Variants in NRG3 observed in about 807,000 individuals in gnomAD.
NRG3 encodes neuregulin 3.
A neutral mutation model predicts 66.9 loss-of-function variants in NRG3; 31 were observed. The ratio of observed to expected loss-of-function variants is 0.46; its 90% CI spans 0.35 to 0.63. The LOEUF is 0.63. NRG3 is among the 20% of genes least tolerant of loss of function. The pLI, the probability that NRG3 is intolerant of heterozygous loss-of-function variation, is 0.00. For synonymous variants in NRG3, 393 were observed against 359.4 expected, an observed-to-expected ratio of 1.09 and a Z score of -1.06; for missense variants, 910 against 878.9, an observed-to-expected ratio of 1.04 and a Z score of -0.45.
At chr10:82,385,375 A>G (rs2135902091) in intron 2 of NRG3, among the ~76,000 whole-genome samples, 1 of 152,228 alleles carries the variant, frequency 6.6e-6, no homozygotes, top group East Asian at 1.9e-4. Context: ...TTCTTCTCAG[A>G]CAATCAAGAA....
intron 1 of NRG3, among the ~76,000 whole-genome samples, chr10:82,299,643 G>A (rs1202052919): frequency 6.6e-6 from 1 of 151,714 alleles, no homozygotes; most frequent in East Asian, 1.9e-4. Flanking sequence ...TGTATTGCCA[G>A]TGGCTGCTAT....
chr10:82,464,184 G>A (rs1840453881), intron 2 of NRG3, among the ~76,000 whole-genome samples: 1 of 152,076 alleles, frequency 6.6e-6, no homozygotes, highest in African/African-American at 2.4e-5. Flanking sequence ...TCAGACTGTA[G>A]ACATGTAGAT....
intron 1 of NRG3, among the ~76,000 whole-genome samples, chr10:82,168,205 T>A (rs984044706): frequency 6.6e-6 from 1 of 152,134 alleles, no homozygotes; most frequent in Admixed American, 6.6e-5. Flanking sequence ...TCATGTAGGA[T>A]CGTTCCCCTA....
At chr10:82,379,698 T>A (rs1335535747) in intron 2 of NRG3, among the ~76,000 whole-genome samples, 1 of 152,078 alleles carries the variant, frequency 6.6e-6, no homozygotes, top group Non-Finnish European at 1.5e-5. Flanking sequence ...AAGTTCTAAT[T>A]GGACATTAGT....
chr10:82,423,345 C>A lies in NRG3; in HGVS notation c.953+64477C>A, dbSNP rs544712533. On this transcript the variant is annotated intron_variant, in intron 2 of 8. Coordinates refer to ENST00000372141, the MANE Select transcript of NRG3 (RefSeq NM_001010848.4). ...ATATTATCGTTATAATTATATATAT[C>A]TAATGATTGAAGAAAGAGAACTGAT... Among the ~76,000 whole-genome samples the A allele has an allele frequency of 1.6e-4, 25 of 151,870 alleles. 1 individual carries two copies. In the South Asian group the frequency reaches 5.0e-3, roughly 30 times the overall value.
In NRG3 at chr10:82,014,207, C is replaced by T. The variant is rs532485143; in HGVS notation, c.823+138044C>T. Among the ~76,000 whole-genome samples the T allele has an allele frequency of 3.9e-5, 6 of 152,294 alleles. No homozygotes were observed. The East Asian group carries it at 1.2e-3, about 30-fold the overall frequency. Reference sequence around the variant, plus strand: ...ACAAGTTACTAATATGTAGACTGGGCAGTTCCTCTGTGCTACTTCCATAAG... The same window carrying T: ...ACAAGTTACTAATATGTAGACTGGGTAGTTCCTCTGTGCTACTTCCATAAG... On this transcript the variant is annotated intron_variant, in intron 1 of 8. Coordinates refer to ENST00000372141, the MANE Select transcript of NRG3 (RefSeq NM_001010848.4).
At chr10:82,108,050 C>G (rs1206099088) in intron 1 of NRG3, among the ~76,000 whole-genome samples, 1 of 152,192 alleles carries the variant, frequency 6.6e-6, no homozygotes, top group African/African-American at 2.4e-5. Flanking sequence ...GCATGGGCTT[C>G]CTGCCTGAGG....
chr10:82,822,030 G>A (rs2061974594), intron 3 of NRG3, among the ~76,000 whole-genome samples: 1 of 152,234 alleles, frequency 6.6e-6, no homozygotes, highest in Non-Finnish European at 1.5e-5. Flanking sequence ...ATGGTCTTCG[G>A]TTTCCCTGCA....
At chr10:82,054,869 G>A (rs964522601) in intron 1 of NRG3, among the ~76,000 whole-genome samples, 5 of 152,008 alleles carry the variant, frequency 3.3e-5, no homozygotes, top group Non-Finnish European at 7.4e-5. Flanking sequence ...GTGTGGTGGT[G>A]TGTGCCTGTA....
chr10:82,918,402 A>G (rs1425527888), intron 4 of NRG3, among the ~76,000 whole-genome samples: 5 of 152,202 alleles, frequency 3.3e-5, no homozygotes, highest in South Asian at 4.1e-4. Flanking sequence ...AATGGGCAAC[A>G]AATTCACAAA....
intron 2 of NRG3, among the ~76,000 whole-genome samples, chr10:82,548,896 C>A (rs929672778): frequency 6.6e-6 from 1 of 152,146 alleles, no homozygotes; most frequent in Non-Finnish European, 1.5e-5. Context: ...GCACAATCAG[C>A]GGACAATCAT....
intron 1 of NRG3, among the ~76,000 whole-genome samples, chr10:81,881,532 T>C (rs181047595): frequency 1.6e-4 from 24 of 152,198 alleles, no homozygotes; most frequent in Admixed American, 1.5e-3. Context: ...AGTTGAGCAA[T>C]TGAACATAAG....
chr10:82,444,800 T>C (rs2090628422), intron 2 of NRG3, among the ~76,000 whole-genome samples: 1 of 152,218 alleles, frequency 6.6e-6, no homozygotes, highest in Non-Finnish European at 1.5e-5. Flanking sequence ...TTGGCTCATT[T>C]TCCCTTCCAA....
chr10:82,090,131 G>C (rs1004958623), intron 1 of NRG3, among the ~76,000 whole-genome samples: 1 of 152,190 alleles, frequency 6.6e-6, no homozygotes, highest in African/African-American at 2.4e-5. Context: ...GCAGACTACA[G>C]ACGCACGTTA....
chr10:81,995,760 G>A (rs2060915128), intron 1 of NRG3, among the ~76,000 whole-genome samples: 1 of 152,202 alleles, frequency 6.6e-6, no homozygotes, highest in Non-Finnish European at 1.5e-5. Context: ...AGGGTTCCTT[G>A]TGGGTCTTCA....
chr10:82,327,118 A>G (rs1297743179), intron 1 of NRG3, among the ~76,000 whole-genome samples: 1 of 152,178 alleles, frequency 6.6e-6, no homozygotes, highest in Non-Finnish European at 1.5e-5. Flanking sequence ...TAGTATGAGA[A>G]ACAAACAAGA....
chr10:82,974,008 A>G lies in NRG3; in HGVS notation c.1412+93A>G, dbSNP rs1044679466. On this transcript the variant is annotated intron_variant, in intron 7 of 8. Transcript: ENST00000372141. The stretch of plus-strand genomic sequence containing the variant: ...AAGGACTGGCAGCATGACTTAGGAG[A>G]GACAACTGTTCTTGCTTCTCCTGTA... 4.6e-5 allele frequency: 65 copies of G among 1,425,966 alleles called. No individual in the cohort carries two copies. The Admixed American group carries it at 8.6e-4, about 19-fold the overall frequency. 88.3% of individuals were successfully genotyped at this position (1,425,966 alleles called of 1,614,324 possible).
At chr10:82,060,013 T>A (rs1005964423) in intron 1 of NRG3, among the ~76,000 whole-genome samples, 1 of 152,218 alleles carries the variant, frequency 6.6e-6, no homozygotes, top group African/African-American at 2.4e-5. Flanking sequence ...TAAACTTCTG[T>A]TTCCTCCTTT....
chr10:81,927,572 T>G (rs1486323563), intron 1 of NRG3, among the ~76,000 whole-genome samples: 1 of 152,196 alleles, frequency 6.6e-6, no homozygotes, highest in Non-Finnish European at 1.5e-5. Flanking sequence ...TACTTAGTCA[T>G]TATTTATTTA....
Sources: gnomAD v4.1 joint callset for allele counts (sites outside exome capture counted in the v4.1 genomes callset) on GRCh38, gnomAD v4.1.1 for gene constraint, MANE v1.5 for transcripts, NCBI Gene and HGNC (gene_info 2026-07-23, HGNC 2026-07-21) for gene names.